The following COL4A3 variants were observed in gnomAD, a reference collection of about 807,000 sequenced individuals.
The protein encoded by COL4A3 is collagen alpha-3(IV) chain.
COL4A3 carries 135 observed loss-of-function variants against 217.4 expected under a neutral mutation model. That is an observed-to-expected ratio of 0.62 (90% CI 0.54 to 0.72). The LOEUF (loss-of-function observed/expected upper bound fraction) is 0.72, where lower values mean the gene tolerates loss of function less well. Among genes scored for constraint, COL4A3 ranks in the 30% least tolerant of loss-of-function variants. COL4A3 has a pLI of 0.00. For synonymous variants in COL4A3, 690 were observed against 736.3 expected, an observed-to-expected ratio of 0.94 and a Z score of 1.02; for missense variants, 1,868 against 2,119.9, an observed-to-expected ratio of 0.88 and a Z score of 2.33.
intron 2 of COL4A3, among the ~76,000 whole-genome samples, chr2:227,239,614 C>G (rs773163122): frequency 6.6e-6 from 1 of 152,160 alleles, no homozygotes; most frequent in African/African-American, 2.4e-5. Context: ...GTTATGCCAC[C>G]CTTGCTACCT....
In COL4A3 at chr2:227,253,440, T is replaced by C; in HGVS notation, c.687+103T>C. On this transcript the variant is annotated intron_variant, in intron 12 of 51. Coordinates refer to ENST00000396578, the MANE Select transcript of COL4A3 (RefSeq NM_000091.5). The surrounding 1 kb of genome is among the most constrained non-coding windows in gnomAD (Gnocchi z 4.4). ...CGGGCCAAGCTGAAATTGATGGGCC[T>C]TCATTTGTTCTATCTTCCCGTATAA... 4 of 1,423,750 alleles carry C rather than the reference T, an allele frequency of 2.8e-6. No homozygotes were observed. Among genetic ancestry groups the C allele is most frequent in the Non-Finnish European group, 4.0e-6 (4 of 1,006,516 alleles). The allele number at this position is 1,423,750 out of a possible 1,614,324, so 88.2% of individuals were successfully genotyped here. A position where few individuals can be genotyped will look rare whatever the true frequency, so the allele number is the denominator to read the frequency against.
intron 1 of COL4A3, among the ~76,000 whole-genome samples, chr2:227,184,862 C>T (rs2125682697): frequency 6.7e-6 from 1 of 149,992 alleles, no homozygotes; most frequent in East Asian, 2.0e-4. Context: ...ACATTCTTGA[C>T]CCCTCCTTTG....
Position 227,164,835 on chromosome 2 carries a change from C to T in COL4A3, c.87+22C>T, listed in dbSNP as rs1284976306. On this transcript the variant is annotated intron_variant, in intron 1 of 51. Coordinates refer to ENST00000396578, the MANE Select transcript of COL4A3 (RefSeq NM_000091.5). This position sits in a 1 kb window ranked among gnomAD's most constrained non-coding sequence, Gnocchi z 4.8. The stretch of plus-strand genomic sequence containing the variant: ...CAAGGTGAGTGGGGGCTGCGCGACC[C>T]CCACCCCCGCACTTCCATCCCTCCT... 2.7e-6 allele frequency: 4 copies of T among 1,497,062 alleles called. No individual in the cohort carries two copies. In the Admixed American group the frequency reaches 8.4e-5, roughly 32 times the overall value. 92.7% of individuals were successfully genotyped at this position (1,497,062 alleles called of 1,614,324 possible).
chr2:227,296,137 C>T (rs80279839), intron 41 of COL4A3, among the ~76,000 whole-genome samples: 2,251 of 152,326 alleles, frequency 0.015, 27 homozygotes, highest in Middle Eastern at 0.051. Context: ...CTTGACAAAA[C>T]AGTTAAAGTG....
At position 227,298,693 on chromosome 2, in the gene COL4A3, C is replaced by T; in HGVS notation, c.3763C>T (p.Pro1255Ser). The change falls in exon 43 of 52, where the codon CCC becomes TCC. Residue 1255 changes from proline to serine, a missense_variant. Around this residue, in one of 2 missense-constraint regions of COL4A3, gnomAD observed 1,503 missense variants for 1,786.1 expected, o/e 0.84. Transcript: ENST00000396578. ...GSRGSPGAPGPPGPPGSHVIG... is the reference protein window; with the variant it reads ...GSRGSPGAPGSPGPPGSHVIG... ...TTTCATGAATTCAGGTGCGCCTGGT[C>T]CCCCTGGACCTCCAGGGAGTCATGT... 6.2e-7 allele frequency: 1 copy of T among 1,613,894 alleles called. No homozygotes were observed. The highest frequency in any genetic ancestry group is 8.5e-7 in the Non-Finnish European group (1 of 1,179,926).
chr2:227,298,156 T>A (rs1015242116), intron 42 of COL4A3, among the ~76,000 whole-genome samples: 5 of 152,158 alleles, frequency 3.3e-5, no homozygotes, highest in African/African-American at 1.2e-4. Flanking sequence ...AAGACTAGCC[T>A]GGCCAACATG....
At position 227,295,351 on chromosome 2, in the gene COL4A3, A is replaced by G. The variant is rs779024817; in HGVS notation, c.3565+35A>G. 6 of 1,594,992 alleles carry G rather than the reference A, an allele frequency of 3.8e-6. No homozygotes were observed. The East Asian group carries it at 1.3e-4, about 36-fold the overall frequency. On this transcript the variant is annotated intron_variant, in intron 41 of 51. Coordinates refer to ENST00000396578, the MANE Select transcript of COL4A3 (RefSeq NM_000091.5). The stretch of plus-strand genomic sequence containing the variant: ...TCTTCTTCCCTGTCCTAATGTACAC[A>G]TTTTCAAGGAGAGAAAGCAGTTGAA...
At chr2:227,295,111 AT>A (rs2072971032) in intron 40 of COL4A3, 49 bp downstream of exon 40, 1 of 1,559,416 alleles carries the variant, frequency 6.4e-7, no homozygotes, top group African/African-American at 1.4e-5. Flanking sequence ...TTTGGATAGA[AT>A]CATTAGTAAC....
In COL4A3 at chr2:227,295,023, G is replaced by A; in HGVS notation, c.3478G>A (p.Asp1160Asn). ...PMGIRGDQGR[D>N]GIPGPAGEKG... is the part of the protein sequence containing the mutation. ...GGGTATAAGAGGTGACCAAGGACGT[G>A]ATGGAATTCCTGGTCCAGCCGGAGA... Residue 1160 changes from aspartate (D) to asparagine (N), a missense_variant, in exon 40 of 52, where the codon GAT (aspartate) becomes AAT (asparagine). Transcript: ENST00000396578. The A allele has an allele frequency of 1.9e-6, 3 of 1,613,070 alleles. No individual in the cohort carries two copies. Among genetic ancestry groups the A allele is most frequent in the East Asian group, 4.5e-5 (2 of 44,838 alleles).
Position 227,263,820 on chromosome 2 carries a change from A to C in COL4A3, c.1191A>C (p.Pro397=), listed in dbSNP as rs762422140. ...GCCTCAGAGGAGCCCCTGGATGGCC[A>C]GGCCTGAAAGGAAGTAAAGGGGAAC... ...RPGLRGAPGW[P]GLKGSKGERG... The change falls in exon 21 of 52, where the codon CCA becomes CCC. Residue 397 remains proline, a synonymous_variant. Coordinates refer to ENST00000396578, the MANE Select transcript of COL4A3 (RefSeq NM_000091.5). 6.2e-7 allele frequency: 1 copy of C among 1,614,088 alleles called. No individual in the cohort carries two copies. The highest frequency in any genetic ancestry group is 8.5e-7 in the Non-Finnish European group (1 of 1,179,948).
At chr2:227,293,722 CA>C in intron 38 of COL4A3, 1 of 473,774 alleles carries the variant, frequency 2.1e-6, no homozygotes, top group Non-Finnish European at 4.4e-6. Flanking sequence ...GCTTAAACTA[CA>C]GATGTTTATT....
chr2:227,173,033 A>C (rs576710785), intron 1 of COL4A3, among the ~76,000 whole-genome samples: 44 of 152,288 alleles, frequency 2.9e-4, no homozygotes, highest in Admixed American at 2.3e-3. Context: ...AGGGACAGAA[A>C]CTTTCAGTCC....
intron 1 of COL4A3, among the ~76,000 whole-genome samples, chr2:227,236,688 C>G (rs1171094759): frequency 4.2e-5 from 6 of 143,002 alleles, no homozygotes; most frequent in African/African-American, 1.5e-4. Context: ...GAGACAGAGT[C>G]TCACTCTGTC....
chr2:227,238,026 T>A lies in COL4A3; in HGVS notation c.144+2T>A. 1.3e-6 allele frequency: 2 copies of A among 1,595,904 alleles called. No individual in the cohort carries two copies. The highest frequency in any genetic ancestry group is 1.7e-6 in the Non-Finnish European group (2 of 1,163,532). Reference sequence around the variant, plus strand: ...TGTGACGGGGCCAAAGGGGAGAAGGTAAAAACAAACCCTAATACTGCTTGT... The same window carrying A: ...TGTGACGGGGCCAAAGGGGAGAAGGAAAAAACAAACCCTAATACTGCTTGT... On this transcript the variant is annotated splice_donor_variant, in intron 2 of 51. Transcript: ENST00000396578. LOFTEE classifies it high-confidence loss of function.
Position 227,272,998 on chromosome 2 carries a change from C to A in COL4A3, c.1808C>A (p.Ser603Tyr), listed in dbSNP as rs1336598219. 1 of 1,614,026 alleles carries A rather than the reference C, an allele frequency of 6.2e-7. No individual in the cohort carries two copies. The highest frequency in any genetic ancestry group is 8.5e-7 in the Non-Finnish European group (1 of 1,179,942). ...GDQGPPGDPG[S>Y]PGSPGPAGPA... ...CAAGGTCCTCCAGGGGATCCTGGCT[C>A]CCCTGGGTCCCCAGGACCTGCAGGA... The change falls in exon 26 of 52, where the codon TCC (serine) becomes TAC (tyrosine). Residue 603 changes from serine (S) to tyrosine (Y), a missense_variant. Ser to Tyr is a moderately radical substitution (Grantham distance 144). Transcript: ENST00000396578.
At chr2:227,286,220 A>T (rs1156320245) in intron 34 of COL4A3, among the ~76,000 whole-genome samples, 1 of 152,028 alleles carries the variant, frequency 6.6e-6, no homozygotes, top group Non-Finnish European at 1.5e-5. Flanking sequence ...GGCTGGGCAC[A>T]GTGGCTCACG....
chr2:227,282,529 C>T lies in COL4A3; in HGVS notation c.2653C>T (p.Pro885Ser), dbSNP rs1404282904. The change falls in exon 32 of 52, where the codon CCA (proline) becomes TCA (serine). Residue 885 changes from proline to serine, a missense_variant. Physicochemically the swap from Pro to Ser is moderately conservative, Grantham distance 74. Around this residue, in one of 2 missense-constraint regions of COL4A3, gnomAD observed 1,503 missense variants for 1,786.1 expected, o/e 0.84. Transcript: ENST00000396578. This position sits in a 1 kb window ranked among gnomAD's most constrained non-coding sequence, Gnocchi z 4.4. ...AGGAAATCCGGGAATTTTAGGGCCACCAGGTATCCTTTTGTGTGTTTCTAT... is the reference window on the plus strand; with the variant it reads ...AGGAAATCCGGGAATTTTAGGGCCATCAGGTATCCTTTTGTGTGTTTCTAT... ...YPGNPGILGP[P>S]GEDGVIGMMG... 20 of 1,613,194 alleles carry T rather than the reference C, an allele frequency of 1.2e-5. No individual in the cohort carries two copies. Among genetic ancestry groups the T allele is most frequent in the Non-Finnish European group, 1.6e-5 (19 of 1,179,524 alleles).
intron 1 of COL4A3, among the ~76,000 whole-genome samples, chr2:227,200,923 T>C (rs1338701008): frequency 6.6e-6 from 1 of 152,224 alleles, no homozygotes; most frequent in East Asian, 1.9e-4. Flanking sequence ...GGTTTTGCTT[T>C]GCATTTATTC....
chr2:227,277,410 T>C (rs1370815814), intron 27 of COL4A3, 39 bp from the exon 28 acceptor site: 6 of 1,219,032 alleles, frequency 4.9e-6, no homozygotes, highest in Non-Finnish European at 7.2e-6. Context: ...TGAAGGAAAG[T>C]TGCTGATGTG....
Sources: allele counts gnomAD v4.1 joint callset (sites outside exome capture counted in the v4.1 genomes callset), GRCh38; gene constraint gnomAD v4.1.1; regional missense constraint gnomAD v4.1.1; non-coding constraint Gnocchi (gnomAD v3.1); transcripts MANE v1.5; gene names NCBI Gene and HGNC (gene_info 2026-07-23, HGNC 2026-07-21).